CLVS1: variants seen among roughly 807,000 people sequenced by gnomAD.
The protein encoded by CLVS1 is clavesin 1, also known as clavesin-1.
A neutral mutation model predicts 33.1 loss-of-function variants in CLVS1; 10 were observed. That is an observed-to-expected ratio of 0.30 (90% confidence interval 0.19 to 0.51). The LOEUF is 0.51. Among genes scored for constraint, CLVS1 ranks in the 20% least tolerant of loss-of-function variants. The pLI, the probability that CLVS1 is intolerant of heterozygous loss-of-function variation, is 0.97. For missense variants in CLVS1, 343 were observed against 433.4 expected, an observed-to-expected ratio of 0.79 and a Z score of 1.85; for synonymous variants, 163 against 166.1, an observed-to-expected ratio of 0.98 and a Z score of 0.14.
At chr8:61,407,543 ACATTT>A (rs1452065375) in intron 3 of CLVS1, among the ~76,000 whole-genome samples, 1 of 152,222 alleles carries the variant, frequency 6.6e-6, no homozygotes, top group African/African-American at 2.4e-5. Flanking sequence ...AGGTAAAGAA[ACATTT>A]CATTGTGGGT....
At chr8:61,282,606 G>A (rs1809695003) in intron 2 of CLVS1, among the ~76,000 whole-genome samples, 1 of 152,170 alleles carries the variant, frequency 6.6e-6, no homozygotes, top group African/African-American at 2.4e-5. Flanking sequence ...TGGAAAAATG[G>A]GAACAATACA....
chr8:61,334,773 C>A (rs1426449959), intron 2 of CLVS1, among the ~76,000 whole-genome samples: 1 of 152,238 alleles, frequency 6.6e-6, no homozygotes, highest in East Asian at 1.9e-4. Flanking sequence ...GGGAACACAC[C>A]ATTTGGGCCA....
intron 5 of CLVS1, among the ~76,000 whole-genome samples, chr8:61,474,144 G>A (rs1306908834): frequency 2.6e-5 from 4 of 152,134 alleles, no homozygotes; most frequent in East Asian, 1.9e-4. Flanking sequence ...GTCATACAGC[G>A]CAAGACACCA....
the CLVS1 span, among the ~76,000 whole-genome samples, chr8:60,996,650 G>T: frequency 6.6e-6 from 1 of 152,144 alleles, no homozygotes; most frequent in South Asian, 2.1e-4. Context: ...GGTGACGAAT[G>T]CCACCACCAG....
intron 2 of CLVS1, among the ~76,000 whole-genome samples, chr8:61,145,782 T>C (rs1806404464): frequency 6.6e-6 from 1 of 152,210 alleles, no homozygotes. Flanking sequence ...GCAGTTATGA[T>C]GTCGTCTCTT....
chr8:61,132,545 G>C (rs1279292652), intron 2 of CLVS1, among the ~76,000 whole-genome samples: 1 of 152,214 alleles, frequency 6.6e-6, no homozygotes, highest in Non-Finnish European at 1.5e-5. Flanking sequence ...AAAGAGAAAA[G>C]AGAATCCCTG....
intron 3 of CLVS1, chr8:61,377,745 C>T (rs1442320134): frequency 6.6e-6 from 1 of 152,170 alleles, no homozygotes; most frequent in African/African-American, 2.4e-5. Flanking sequence ...TATCTGGCAC[C>T]TAGTGGGCCT....
chr8:61,464,002 G>A (rs955622252), intron 5 of CLVS1, among the ~76,000 whole-genome samples: 16 of 151,118 alleles, frequency 1.1e-4, no homozygotes, highest in East Asian at 5.8e-4. Context: ...GAACCTGGGC[G>A]GGTGGAGGTT....
chr8:61,419,175 G>C (rs1334348011), intron 3 of CLVS1, among the ~76,000 whole-genome samples: 1 of 152,072 alleles, frequency 6.6e-6, no homozygotes, highest in African/African-American at 2.4e-5. Context: ...GAGGCGAATG[G>C]ATCATGAGGT....
chr8:61,234,206 G>T (rs538878489), intron 2 of CLVS1, among the ~76,000 whole-genome samples: 4 of 152,158 alleles, frequency 2.6e-5, no homozygotes, highest in African/African-American at 7.2e-5. Context: ...TGGCCAGGGG[G>T]TAGAGAATGA....
chr8:61,333,771 C>A (rs1318190091), intron 2 of CLVS1, among the ~76,000 whole-genome samples: 1 of 152,126 alleles, frequency 6.6e-6, no homozygotes, highest in African/African-American at 2.4e-5. Context: ...AAACTTGTGT[C>A]ATGGGGGTGT....
chr8:61,433,331 A>G (rs775382348), intron 3 of CLVS1, among the ~76,000 whole-genome samples: 5 of 152,226 alleles, frequency 3.3e-5, no homozygotes, highest in African/African-American at 4.8e-5. Flanking sequence ...TAGGTGGAGA[A>G]GTCAATTATA....
chr8:61,233,097 A>G (rs1808480291), intron 2 of CLVS1, among the ~76,000 whole-genome samples: 1 of 152,278 alleles, frequency 6.6e-6, no homozygotes, highest in African/African-American at 2.4e-5. Context: ...CTTAACAGGC[A>G]TATGAACATT....
At chr8:61,183,566 G>A (rs1807283006) in intron 2 of CLVS1, among the ~76,000 whole-genome samples, 1 of 152,008 alleles carries the variant, frequency 6.6e-6, no homozygotes, top group Admixed American at 6.6e-5. Context: ...CTGAATTTTG[G>A]GGTGGTTTGT....
intron 2 of CLVS1, among the ~76,000 whole-genome samples, chr8:61,276,811 C>G (rs1336747524): frequency 6.6e-6 from 1 of 152,070 alleles, no homozygotes; most frequent in African/African-American, 2.4e-5. Context: ...AGAAAAGTGA[C>G]CTAATGGTTG....
At chr8:61,257,076 C>G (rs549695951) in intron 2 of CLVS1, among the ~76,000 whole-genome samples, 1 of 152,276 alleles carries the variant, frequency 6.6e-6, no homozygotes, top group South Asian at 2.1e-4. Context: ...TGGCTTTGAT[C>G]GATCATAACA....
the CLVS1 span, among the ~76,000 whole-genome samples, chr8:61,037,857 G>A: frequency 6.6e-6 from 1 of 152,188 alleles, no homozygotes; most frequent in Non-Finnish European, 1.5e-5. Context: ...GGCAGCCAGT[G>A]CTGTGAAGGA....
the CLVS1 span, among the ~76,000 whole-genome samples, chr8:61,036,521 C>CT: frequency 6.6e-6 from 1 of 152,224 alleles, no homozygotes; most frequent in Admixed American, 6.5e-5. Flanking sequence ...AAATCGTTGA[C>CT]TATGGCTTGA....
At chr8:61,079,261 G>A (rs1804979578) in intron 1 of CLVS1, among the ~76,000 whole-genome samples, 1 of 152,126 alleles carries the variant, frequency 6.6e-6, no homozygotes, top group Non-Finnish European at 1.5e-5. Context: ...TTCAGGGGAG[G>A]GGTGGTTTGG....
Sources: gnomAD v4.1 joint callset for allele counts (sites outside exome capture counted in the v4.1 genomes callset) on GRCh38, gnomAD v4.1.1 for gene constraint, MANE v1.5 for transcripts, NCBI Gene and HGNC (gene_info 2026-07-23, HGNC 2026-07-21) for gene names.